Variants in MCC observed in about 807,000 individuals in gnomAD.
MCC encodes MCC regulator of Wnt signaling pathway, also known as colorectal mutant cancer protein.
MCC carries 90 observed loss-of-function variants against 116.2 expected under a neutral mutation model. The observed-to-expected ratio is 0.77, with a 90% CI of 0.65 to 0.92. The LOEUF (loss-of-function observed/expected upper bound fraction) is 0.92, where lower values mean the gene tolerates loss of function less well. MCC is among the 40% of genes least tolerant of loss of function. The pLI, the probability that MCC is intolerant of heterozygous loss-of-function variation, is 0.00. For missense variants in MCC, 1,516 were observed against 1,312.2 expected, an observed-to-expected ratio of 1.16 and a Z score of -2.40; for synonymous variants, 578 against 510.5, an observed-to-expected ratio of 1.13 and a Z score of -1.78.
chr5:113,212,188 T>A (rs1763159425), intron 3 of MCC, among the ~76,000 whole-genome samples: 1 of 152,230 alleles, frequency 6.6e-6, no homozygotes, highest in Non-Finnish European at 1.5e-5. Flanking sequence ...TGTTGGTACA[T>A]ACATATATAA....
intron 1 of MCC, chr5:113,448,429 T>C (rs537899449): frequency 3.3e-5 from 5 of 152,322 alleles, no homozygotes; most frequent in Admixed American, 1.3e-4. Flanking sequence ...ATATTAAACT[T>C]AAGTAAAGCC....
At chr5:113,461,817 A>G (rs1016532471) in intron 1 of MCC, among the ~76,000 whole-genome samples, 2 of 151,776 alleles carry the variant, frequency 1.3e-5, no homozygotes, top group African/African-American at 2.4e-5. Context: ...AGATTATAGT[A>G]GAGATGTTCT....
rs553301306 is a variant in MCC at position 113,230,704 on chromosome 5, C to A, written c.628-79282G>T. On this transcript the variant is annotated intron_variant, in intron 3 of 18. Coordinates refer to ENST00000408903, the MANE Select transcript of MCC (RefSeq NM_001085377.2). ...GGATACAAGTTAATGTACTATTTTG[C>A]AGATATAAATATGTGGTGCAATGAG... Among the ~76,000 whole-genome samples the A allele has an allele frequency of 6.2e-4, 94 of 152,232 alleles. 1 individual carries two copies. The highest frequency in any genetic ancestry group is 2.2e-3 in the African/African-American group (92 of 41,536).
intron 2 of MCC, among the ~76,000 whole-genome samples, chr5:113,354,947 G>A (rs4438866): frequency 0.13 from 19,151 of 151,512 alleles, 1,447 homozygotes; most frequent in Non-Finnish European, 0.18. Context: ...TATTCTTATT[G>A]AGAAATCTCT....
At chr5:113,453,296 G>T (rs1319104905) in intron 1 of MCC, among the ~76,000 whole-genome samples, 1 of 151,832 alleles carries the variant, frequency 6.6e-6, no homozygotes. Context: ...CACACAACAC[G>T]TACACACACA....
chr5:113,161,751 T>A (rs192148455), intron 3 of MCC, among the ~76,000 whole-genome samples: 113 of 152,248 alleles, frequency 7.4e-4, no homozygotes, highest in African/African-American at 2.6e-3. Context: ...AGGCACATGC[T>A]TCCAGACTTC....
chr5:113,039,885 C>T (rs1257309225), intron 17 of MCC, among the ~76,000 whole-genome samples: 1 of 152,098 alleles, frequency 6.6e-6, no homozygotes, highest in African/African-American at 2.4e-5. Context: ...CTGAAAATTC[C>T]CTTATTTAGC....
intron 1 of MCC, among the ~76,000 whole-genome samples, chr5:113,410,413 T>C (rs1178963324): frequency 6.6e-6 from 1 of 152,212 alleles, no homozygotes; most frequent in African/African-American, 2.4e-5. Flanking sequence ...AGTGCTGTGA[T>C]AAACATTGTT....
intron 5 of MCC, 124 bp from the exon 6 acceptor site, chr5:113,122,950 G>A (rs546232465): frequency 2.0e-6 from 2 of 985,644 alleles, no homozygotes; most frequent in African/African-American, 3.2e-5. Flanking sequence ...CCAGGCCACA[G>A]GGACCAGGAT....
At chr5:113,271,841 T>C (rs1260999029) in intron 3 of MCC, among the ~76,000 whole-genome samples, 1 of 152,154 alleles carries the variant, frequency 6.6e-6, no homozygotes, top group East Asian at 1.9e-4. Context: ...AGAAGGCCCC[T>C]GACAGATGAC....
chr5:113,238,375 A>G (rs1383202653), intron 3 of MCC, among the ~76,000 whole-genome samples: 1 of 152,230 alleles, frequency 6.6e-6, no homozygotes, highest in Non-Finnish European at 1.5e-5. Flanking sequence ...AGAATTTTGT[A>G]TATTTCATTC....
chr5:113,107,594 G>A (rs1428521472), intron 6 of MCC, among the ~76,000 whole-genome samples: 3 of 152,164 alleles, frequency 2.0e-5, no homozygotes, highest in Non-Finnish European at 4.4e-5. Context: ...ACAACTCAGA[G>A]ACCACACCAA....
chr5:113,049,779 C>T (rs1452238233), intron 15 of MCC, among the ~76,000 whole-genome samples: 6 of 152,184 alleles, frequency 3.9e-5, no homozygotes, highest in South Asian at 2.1e-4. Context: ...ATCACACCCA[C>T]GGCACCTCTG....
chr5:113,286,455 C>G (rs1017136072), intron 3 of MCC, among the ~76,000 whole-genome samples: 3 of 152,210 alleles, frequency 2.0e-5, no homozygotes, highest in Non-Finnish European at 4.4e-5. Context: ...ATTGAGGTTT[C>G]ATGAAACTTT....
chr5:113,458,620 A>G (rs1032226095), intron 1 of MCC, among the ~76,000 whole-genome samples: 4 of 152,228 alleles, frequency 2.6e-5, no homozygotes, highest in South Asian at 2.1e-4. Flanking sequence ...TAAAAGCACA[A>G]TGGATAAAAA....
chr5:113,434,474 C>T lies in MCC; in HGVS notation c.171-49262G>A, dbSNP rs779440666. 1.2e-6 allele frequency: 2 copies of T among 1,613,508 alleles called. No individual in the cohort carries two copies. The highest frequency in any genetic ancestry group is 2.2e-5 in the South Asian group (2 of 91,014). The stretch of plus-strand genomic sequence containing the variant: ...CCAGGTCGTGGCAGTACTTGATGGC[C>T]AAGGAAAGCTGGTGGAACTTCTTGC... On this transcript the variant is annotated intron_variant, in intron 1 of 18. Coordinates refer to ENST00000408903, the MANE Select transcript of MCC (RefSeq NM_001085377.2). The surrounding 1 kb of genome is among the most constrained non-coding windows in gnomAD (Gnocchi z 4.2).
chr5:113,303,700 G>A (rs559703358), intron 3 of MCC, among the ~76,000 whole-genome samples: 140 of 152,088 alleles, frequency 9.2e-4, no homozygotes, highest in African/African-American at 3.3e-3. Flanking sequence ...TCACTCTGTC[G>A]CCCAGGCAAT....
intron 6 of MCC, among the ~76,000 whole-genome samples, chr5:113,112,911 C>T (rs1757180418): frequency 6.6e-6 from 1 of 152,262 alleles, no homozygotes; most frequent in Non-Finnish European, 1.5e-5. Context: ...GACATTATCA[C>T]AGCCTGCTAA....
chr5:113,318,073 A>G (rs1031550957), intron 3 of MCC, among the ~76,000 whole-genome samples: 7 of 152,216 alleles, frequency 4.6e-5, no homozygotes, highest in African/African-American at 1.4e-4. Flanking sequence ...ATTGCACTGT[A>G]GGGAGATGGA....
Sources: allele counts gnomAD v4.1 joint callset (sites outside exome capture counted in the v4.1 genomes callset), GRCh38; gene constraint gnomAD v4.1.1; non-coding constraint Gnocchi (gnomAD v3.1); transcripts MANE v1.5; gene names NCBI Gene and HGNC (gene_info 2026-07-23, HGNC 2026-07-21).